Variants in OTUD7B observed in about 807,000 individuals in gnomAD.
OTUD7B encodes the protein OTU domain-containing protein 7B.
Under a neutral mutation model 82.2 loss-of-function variants are expected in OTUD7B, and 34 were observed. The observed-to-expected ratio is 0.41, with a 90% CI of 0.31 to 0.55. The LOEUF (loss-of-function observed/expected upper bound fraction) is 0.55, where lower values mean the gene tolerates loss of function less well. Ranked by LOEUF, OTUD7B falls within the 20% of genes least tolerant of loss-of-function variation. The pLI, the probability that OTUD7B is intolerant of heterozygous loss-of-function variation, is 0.20. For synonymous variants in OTUD7B, 398 were observed against 402.7 expected (o/e 0.99, Z 0.14); for missense variants, 944 against 1,062.1 (o/e 0.89, Z 1.55).
the OTUD7B span, among the ~76,000 whole-genome samples, chr1:150,042,119 C>CTCCCTCCT: frequency 1.1e-5 from 1 of 91,280 alleles, no homozygotes; most frequent in Non-Finnish European, 2.4e-5. Context: ...CCCTCCCTCC[C>CTCCCTCCT]TCCCTCCCTC....
chr1:150,022,427 CTA>C, the OTUD7B span, among the ~76,000 whole-genome samples: 107 of 3,580 alleles, frequency 0.03, 46 homozygotes, highest in Non-Finnish European at 0.038. Flanking sequence ...AAAAAAATAA[CTA>C]CATGCTGAAG....
At chr1:150,011,988 G>A (rs1653089765), upstream of OTUD7B, among the ~76,000 whole-genome samples, 3 of 152,206 alleles carry the variant, frequency 2.0e-5, no homozygotes, top group Admixed American at 6.5e-5. Flanking sequence ...GTTTACAATC[G>A]AAAATTTAGG....
the OTUD7B span, among the ~76,000 whole-genome samples, chr1:150,064,927 T>C: frequency 6.6e-6 from 1 of 152,242 alleles, no homozygotes; most frequent in South Asian, 2.1e-4. Flanking sequence ...TGAGCTCTGG[T>C]GGGGGAAAAT....
At chr1:149,986,121 A>G (rs73011912) in intron 1 of OTUD7B, among the ~76,000 whole-genome samples, 3,194 of 152,094 alleles carry the variant, frequency 0.021, 92 homozygotes, top group African/African-American at 0.07. Context: ...TCCCCACTAA[A>G]CCAGGAACAA....
chr1:149,990,182 T>C (rs1389042273), intron 1 of OTUD7B, among the ~76,000 whole-genome samples: 4 of 152,228 alleles, frequency 2.6e-5, no homozygotes, highest in African/African-American at 7.2e-5. Context: ...GGAAGAGATA[T>C]AGAAGCAACC....
the OTUD7B span, chr1:150,053,788 A>G: frequency 4.9e-6 from 1 of 203,710 alleles, no homozygotes; most frequent in Non-Finnish European, 9.8e-6. Context: ...ATGCAAATCA[A>G]AACCACAATG....
At chr1:150,008,778 G>A (rs940679583) in intron 1 of OTUD7B, among the ~76,000 whole-genome samples, 14 of 151,974 alleles carry the variant, frequency 9.2e-5, no homozygotes, top group Non-Finnish European at 1.5e-4. Flanking sequence ...GGGTAAAATC[G>A]AAAAAATCTA....
chr1:149,985,730 CAGTG>C (rs1651087989), intron 1 of OTUD7B, among the ~76,000 whole-genome samples: 1 of 134,536 alleles, frequency 7.4e-6, no homozygotes, highest in South Asian at 2.6e-4. Flanking sequence ...CTGAGGGACA[CAGTG>C]AGACCCTGTA....
At position 149,949,822 on chromosome 1, in the gene OTUD7B, C is replaced by T. The variant is rs1553772945; in HGVS notation, c.974-44G>A. The T allele has an allele frequency of 1.9e-6, 3 of 1,584,734 alleles. No homozygotes were observed. In the South Asian group the frequency reaches 3.4e-5, roughly 18 times the overall value. On this transcript the variant is annotated intron_variant, in intron 8 of 11. Transcript: ENST00000581312. ...ATTATTATGAAGGCTGTGTTTCTGC[C>T]TAGTGGACAATCCCTACATCCCACT...
chr1:149,979,349 T>C (rs1650556406), intron 1 of OTUD7B, among the ~76,000 whole-genome samples: 1 of 152,176 alleles, frequency 6.6e-6, no homozygotes, highest in Non-Finnish European at 1.5e-5. Flanking sequence ...TCACAACTCT[T>C]ACCTCCCTCA....
At chr1:149,990,428 T>C (rs986202534) in intron 1 of OTUD7B, among the ~76,000 whole-genome samples, 3 of 152,186 alleles carry the variant, frequency 2.0e-5, no homozygotes, top group Non-Finnish European at 4.4e-5. Context: ...AGTCCGTATA[T>C]GTGGATAATT....
At chr1:149,984,111 A>G (rs587679001) in intron 1 of OTUD7B, among the ~76,000 whole-genome samples, 16 of 152,300 alleles carry the variant, frequency 1.1e-4, no homozygotes, top group South Asian at 1.0e-3. Context: ...AAACACTGCT[A>G]TCTTTGCTTT....
intron 1 of OTUD7B, among the ~76,000 whole-genome samples, chr1:149,981,000 G>A: frequency 9.1e-6 from 1 of 109,992 alleles, no homozygotes; most frequent in Non-Finnish European, 1.7e-5. Context: ...GGGCAACAGA[G>A]TGAGACCCTG....
At chr1:150,061,662 C>T in the OTUD7B span, among the ~76,000 whole-genome samples, 29 of 152,318 alleles carry the variant, frequency 1.9e-4, no homozygotes, top group South Asian at 5.6e-3. Flanking sequence ...GGGGCTCTGG[C>T]TGCCCCAAGA....
At chr1:149,958,397 G>A (rs188631216) in intron 7 of OTUD7B, among the ~76,000 whole-genome samples, 15 of 116,100 alleles carry the variant, frequency 1.3e-4, no homozygotes, top group African/African-American at 4.3e-4. Flanking sequence ...GCACGAACTC[G>A]GCTGACTACA....
chr1:150,027,183 T>C, the OTUD7B span, among the ~76,000 whole-genome samples: 1 of 152,182 alleles, frequency 6.6e-6, no homozygotes, highest in African/African-American at 2.4e-5. Context: ...TAGCACCTGT[T>C]AACTAGGCTC....
chr1:149,999,923 A>T (rs1652164925), intron 1 of OTUD7B, among the ~76,000 whole-genome samples: 1 of 152,214 alleles, frequency 6.6e-6, no homozygotes, highest in Admixed American at 6.5e-5. Context: ...CTTTTCAAAG[A>T]ACTATTTTAG....
intron 3 of OTUD7B, among the ~76,000 whole-genome samples, chr1:149,969,061 C>T (rs188657995): frequency 6.6e-6 from 1 of 152,220 alleles, no homozygotes; most frequent in Admixed American, 6.5e-5. Context: ...TGGTGGCTCA[C>T]ACCTGTAATC....
At chr1:149,996,380 C>CA (rs1188158521) in intron 1 of OTUD7B, among the ~76,000 whole-genome samples, 64 of 552 alleles carry the variant, frequency 0.12, 1 homozygote, top group East Asian at 0.3. Flanking sequence ...TTAACAACAA[C>CA]AACAAAAAAA....
Sources: gnomAD v4.1 joint callset for allele counts (sites outside exome capture counted in the v4.1 genomes callset) on GRCh38, gnomAD v4.1.1 for gene constraint, MANE v1.5 for transcripts, NCBI Gene and HGNC (gene_info 2026-07-23, HGNC 2026-07-21) for gene names.